Variants in WDR17 observed in about 807,000 individuals in gnomAD.
WDR17 encodes WD repeat-containing protein 17.
WDR17 carries 143 observed loss-of-function variants against 161.7 expected under a neutral mutation model. The ratio of observed to expected loss-of-function variants is 0.88; its 90% CI spans 0.77 to 1.02. WDR17 has a LOEUF of 1.02. Among genes scored for constraint, WDR17 ranks in the 50% least tolerant of loss-of-function variants. The pLI is 0.00. For synonymous variants in WDR17, 517 were observed against 515.6 expected (o/e 1.00, Z -0.04); for missense variants, 1,469 against 1,520.9 (o/e 0.97, Z 0.57).
chr4:176,155,278 AT>A (rs1380745910), intron 17 of WDR17, among the ~76,000 whole-genome samples: 1 of 151,664 alleles, frequency 6.6e-6, no homozygotes, highest in Non-Finnish European at 1.5e-5. Flanking sequence ...TTAGGACTGG[AT>A]TTTCCCTAAA....
intron 22 of WDR17, among the ~76,000 whole-genome samples, chr4:176,168,155 GA>G (rs546835917): frequency 0.02 from 2,881 of 147,154 alleles, 41 homozygotes; most frequent in Non-Finnish European, 0.033. Context: ...TGCCTCAAAA[GA>G]AAAAAAAAGG....
chr4:176,084,565 T>C (rs953196016), intron 1 of WDR17, among the ~76,000 whole-genome samples: 2 of 151,746 alleles, frequency 1.3e-5, no homozygotes, highest in Non-Finnish European at 2.9e-5. Context: ...TTTGTAACCA[T>C]AATATTGTCC....
Position 176,077,840 on chromosome 4 carries a change from AT to A in WDR17, c.-7+11762del, listed in dbSNP as rs1311426847. Reference sequence around the variant, plus strand: ...CTACATATCTCCTCATGATAATAAAATAACTTATATTATCTCTGATTTCACA... The same window carrying A: ...CTACATATCTCCTCATGATAATAAAAAACTTATATTATCTCTGATTTCACA... On this transcript the variant is annotated intron_variant, in intron 1 of 28. Transcript: ENST00000508596. Among the ~76,000 whole-genome samples, 9 of 152,148 alleles carry A rather than the reference AT, an allele frequency of 5.9e-5. No homozygotes were observed. In the East Asian group the frequency reaches 1.7e-3, roughly 29 times the overall value.
intron 25 of WDR17, among the ~76,000 whole-genome samples, chr4:176,173,823 T>C (rs374387603): frequency 5.3e-5 from 8 of 151,854 alleles, no homozygotes; most frequent in South Asian, 2.1e-4. Flanking sequence ...CCGTTTGTTA[T>C]GTTTTTAAGA....
rs377524674 is a variant in WDR17, at chr4:176,149,912, A to G, written c.2003A>G (p.Asn668Ser). ...LTALVTPVQINILADRSWEEI... is the reference protein window; with the variant it reads ...LTALVTPVQISILADRSWEEI... ...GCCTTAGTCACTCCTGTACAAATAA[A>G]TATTCTGGCAGACAGATCTTGGGAA... The change falls in exon 14 of 29, where the codon AAT becomes AGT. Residue 668 changes from asparagine to serine, a missense_variant. By Grantham distance (46) the Asn-to-Ser change is conservative. Coordinates refer to ENST00000508596, the MANE Select transcript of WDR17 (RefSeq NM_181265.4). 1.5e-4 allele frequency: 239 copies of G among 1,613,716 alleles called. No homozygotes were observed. Among genetic ancestry groups the G allele is most frequent in the Non-Finnish European group, 1.9e-4 (228 of 1,180,000 alleles).
chr4:176,131,493 A>C, intron 6 of WDR17, 61 bp from the exon 7 acceptor site: 1 of 1,447,898 alleles, frequency 6.9e-7, no homozygotes, highest in African/African-American at 1.4e-5. Flanking sequence ...TTAATGAAGA[A>C]TCTTTCTAAA....
At chr4:176,115,292 A>G (rs1461522790) in intron 2 of WDR17, among the ~76,000 whole-genome samples, 1 of 151,972 alleles carries the variant, frequency 6.6e-6, no homozygotes, top group Non-Finnish European at 1.5e-5. Flanking sequence ...GTATAAAAAC[A>G]CAATATAATG....
intron 5 of WDR17, among the ~76,000 whole-genome samples, chr4:176,125,598 A>G (rs189023267): frequency 4.7e-4 from 67 of 143,676 alleles, no homozygotes; most frequent in African/African-American, 1.6e-3. Flanking sequence ...ACCTTGGAAT[A>G]TATTATATAT....
chr4:176,129,645 C>G (rs1336491090), intron 6 of WDR17, among the ~76,000 whole-genome samples: 2 of 152,014 alleles, frequency 1.3e-5, no homozygotes, highest in Non-Finnish European at 2.9e-5. Flanking sequence ...CTTACTCTAT[C>G]TTTATAATAT....
chr4:176,083,712 G>T (rs529143679), intron 1 of WDR17, among the ~76,000 whole-genome samples: 4 of 152,168 alleles, frequency 2.6e-5, no homozygotes, highest in South Asian at 4.1e-4. Context: ...GGAAATGCTG[G>T]TCATGGGGTA....
intron 11 of WDR17, among the ~76,000 whole-genome samples, chr4:176,144,672 C>G (rs560520885): frequency 2.0e-5 from 3 of 152,250 alleles, no homozygotes; most frequent in Non-Finnish European, 4.4e-5. Flanking sequence ...CCAAGCATAT[C>G]TAATAAACTT....
rs530167068 is a variant in WDR17, at chr4:176,180,275, G to T, written c.*696G>T. On this transcript the variant is annotated 3_prime_UTR_variant, in exon 29 of 29. Coordinates refer to ENST00000508596, the MANE Select transcript of WDR17 (RefSeq NM_181265.4). ...CGGGTAAAAATCACAAAATGCAGTC[G>T]AATATATATATGAAAACTTGCATTA... is the stretch of plus-strand genomic sequence containing the variant. The T allele has an allele frequency of 6.6e-6, 1 of 151,582 alleles. No individual in the cohort carries two copies. Among genetic ancestry groups the T allele is most frequent in the Admixed American group, 6.6e-5 (1 of 15,204 alleles). The allele number at this position is 151,582 out of a possible 1,614,324, so 9.4% of individuals were successfully genotyped here.
chr4:176,159,931 C>T, intron 18 of WDR17, 63 bp from the exon 19 acceptor site: 1 of 1,417,198 alleles, frequency 7.1e-7, no homozygotes, highest in Non-Finnish European at 9.4e-7. Context: ...TTCAGAAAAT[C>T]TCAATTCACC....
intron 1 of WDR17, among the ~76,000 whole-genome samples, chr4:176,087,495 C>T (rs1041757750): frequency 1.7e-4 from 26 of 152,040 alleles, no homozygotes; most frequent in African/African-American, 6.0e-4. Context: ...TTTAACTTAC[C>T]CTGCTTGGAG....
chr4:176,092,949 T>A (rs1164664620), intron 1 of WDR17, among the ~76,000 whole-genome samples: 1 of 151,878 alleles, frequency 6.6e-6, no homozygotes, highest in African/African-American at 2.4e-5. Flanking sequence ...GGTTGAGGCA[T>A]GAGAATCGCT....
intron 1 of WDR17, among the ~76,000 whole-genome samples, chr4:176,079,075 T>C (rs1734414508): frequency 6.6e-6 from 1 of 152,158 alleles, no homozygotes; most frequent in Admixed American, 6.6e-5. Flanking sequence ...TACTCTTTAG[T>C]TGTATGATAC....
At chr4:176,154,648 TAG>T (rs1238044055) in intron 17 of WDR17, among the ~76,000 whole-genome samples, 1 of 152,218 alleles carries the variant, frequency 6.6e-6, no homozygotes, top group Admixed American at 6.5e-5. Flanking sequence ...TTTCTTCTGT[TAG>T]AGAGAGATTT....
chr4:176,150,274 T>C (rs913510530), intron 15 of WDR17, 101 bp downstream of exon 15: 40 of 1,524,272 alleles, frequency 2.6e-5, no homozygotes, highest in Non-Finnish European at 2.8e-5. Flanking sequence ...TTCTAATTCA[T>C]TGGGTAACTC....
At chr4:176,127,506 G>A (rs1386804309) in intron 5 of WDR17, among the ~76,000 whole-genome samples, 1 of 152,034 alleles carries the variant, frequency 6.6e-6, no homozygotes, top group Non-Finnish European at 1.5e-5. Context: ...ATGTTGGCCA[G>A]GCTGGTCTCA....
Sources: allele counts gnomAD v4.1 joint callset (sites outside exome capture counted in the v4.1 genomes callset), GRCh38; gene constraint gnomAD v4.1.1; transcripts MANE v1.5; gene names NCBI Gene and HGNC (gene_info 2026-07-23, HGNC 2026-07-21).